Variants in CAMK2D observed in about 807,000 individuals in gnomAD.
CAMK2D encodes calcium/calmodulin-dependent protein kinase type II subunit delta.
CAMK2D carries 37 observed loss-of-function variants against 84.0 expected under a neutral mutation model. That is an observed-to-expected ratio of 0.44 (90% CI 0.34 to 0.58). The LOEUF is 0.58. CAMK2D is among the 20% of genes least tolerant of loss of function. CAMK2D has a pLI of 0.02. For synonymous variants in CAMK2D, 202 were observed against 212.5 expected, an observed-to-expected ratio of 0.95 and a Z score of 0.43; for missense variants, 448 against 652.5, an observed-to-expected ratio of 0.69 and a Z score of 3.41.
At chr4:113,735,510 C>T (rs192174547) in intron 2 of CAMK2D, among the ~76,000 whole-genome samples, 15 of 151,964 alleles carry the variant, frequency 9.9e-5, no homozygotes, top group African/African-American at 3.4e-4. Context: ...TTGTACAATA[C>T]ACAACTATGT....
intron 2 of CAMK2D, among the ~76,000 whole-genome samples, chr4:113,714,095 A>T (rs17046431): frequency 6.6e-6 from 1 of 151,810 alleles, no homozygotes; most frequent in African/African-American, 2.4e-5. Context: ...TTTTGGGGTA[A>T]AGTTTCAAAT....
At chr4:113,504,412 T>G (rs2098098723) in intron 14 of CAMK2D, among the ~76,000 whole-genome samples, 1 of 152,198 alleles carries the variant, frequency 6.6e-6, no homozygotes, top group Non-Finnish European at 1.5e-5. Flanking sequence ...CAGTGAAAAT[T>G]TAATTTAAAA....
intron 7 of CAMK2D, among the ~76,000 whole-genome samples, chr4:113,534,195 C>CA (rs1217586915): frequency 6.6e-6 from 1 of 151,978 alleles, no homozygotes. Context: ...GAATAAACAT[C>CA]AAAACAGGTC....
At chr4:113,689,364 A>T (rs2099375744) in intron 2 of CAMK2D, among the ~76,000 whole-genome samples, 1 of 152,238 alleles carries the variant, frequency 6.6e-6, no homozygotes, top group Non-Finnish European at 1.5e-5. Context: ...AAGCTGTTTG[A>T]TGCTGAGAAC....
chr4:113,648,002 G>A lies in CAMK2D; in HGVS notation c.220+13711C>T, dbSNP rs28682528. Among the ~76,000 whole-genome samples the A allele has an allele frequency of 7.9e-3, 1,206 of 152,312 alleles. 9 individuals carry two copies. Among genetic ancestry groups the A allele is most frequent in the African/African-American group, 0.028 (1,155 of 41,560 alleles). On this transcript the variant is annotated intron_variant, in intron 3 of 20. Coordinates refer to ENST00000511664, the MANE Select transcript of CAMK2D (RefSeq NM_001321571.2). The stretch of plus-strand genomic sequence containing the variant: ...TAAATGAGAAATTATTTGGGAGAAG[G>A]AGATTGGCAGAAGGAAATAATGACC...
At chr4:113,485,881 A>G (rs2097761378) in intron 16 of CAMK2D, among the ~76,000 whole-genome samples, 1 of 152,144 alleles carries the variant, frequency 6.6e-6, no homozygotes, top group African/African-American at 2.4e-5. Flanking sequence ...AATACCTCAG[A>G]CATACCATGC....
At chr4:113,557,838 A>G (rs574740070) in intron 4 of CAMK2D, among the ~76,000 whole-genome samples, 57 of 152,144 alleles carry the variant, frequency 3.7e-4, no homozygotes, top group Non-Finnish European at 7.1e-4. Context: ...AATGCACTCA[A>G]CTCTTTGGAA....
intron 12 of CAMK2D, 91 bp downstream of exon 12, chr4:113,513,237 T>G (rs1458818449): frequency 1.9e-6 from 3 of 1,576,710 alleles, no homozygotes; most frequent in Non-Finnish European, 2.6e-6. Context: ...TTTTTCTAAT[T>G]ATTAGATTTT....
At chr4:113,512,164 G>A (rs760560175) in intron 12 of CAMK2D, among the ~76,000 whole-genome samples, 2 of 152,178 alleles carry the variant, frequency 1.3e-5, no homozygotes, top group African/African-American at 2.4e-5. Flanking sequence ...TACCAAGTGC[G>A]GCTTAATTGC....
At chr4:113,466,259 AAAATAAATAAAT>A (rs3062115) in intron 16 of CAMK2D, among the ~76,000 whole-genome samples, 4 of 146,052 alleles carry the variant, frequency 2.7e-5, no homozygotes, top group African/African-American at 5.1e-5. Context: ...CTCCGTCTCA[AAAATAAATAAAT>A]AAATAAATAA....
At chr4:113,494,821 G>T (rs185017145) in intron 16 of CAMK2D, among the ~76,000 whole-genome samples, 11 of 152,296 alleles carry the variant, frequency 7.2e-5, no homozygotes, top group South Asian at 2.1e-4. Context: ...CTCCGAGCCA[G>T]GTGCGGGATA....
In CAMK2D at chr4:113,661,705, G is replaced by C; in HGVS notation, c.220+8C>G. 1 of 1,285,312 alleles carries C rather than the reference G, an allele frequency of 7.8e-7. No homozygotes were observed. Among genetic ancestry groups the C allele is most frequent in the Non-Finnish European group, 1.1e-6 (1 of 935,048 alleles). 79.6% of individuals were successfully genotyped at this position (1,285,312 alleles called of 1,614,324 possible). A position where few individuals can be genotyped will look rare whatever the true frequency, so the allele number is the denominator to read the frequency against. ...AACATTTAAAAAACATTAAAAATAC[G>C]TTCTCACCAATATTAGGGTGCTTCA... On this transcript the variant is annotated splice_region_variant and intron_variant, in intron 3 of 20. Coordinates refer to ENST00000511664, the MANE Select transcript of CAMK2D (RefSeq NM_001321571.2).
chr4:113,476,104 G>A (rs2097611150), intron 16 of CAMK2D, among the ~76,000 whole-genome samples: 1 of 152,152 alleles, frequency 6.6e-6, no homozygotes, highest in Non-Finnish European at 1.5e-5. Context: ...AGAACCTCTT[G>A]ATATGTCAGG....
chr4:113,605,864 T>C (rs1361635476), intron 4 of CAMK2D, among the ~76,000 whole-genome samples: 1 of 152,058 alleles, frequency 6.6e-6, no homozygotes, highest in Non-Finnish European at 1.5e-5. Context: ...AAAGAACAGT[T>C]AGTGAAATCC....
chr4:113,653,873 A>C (rs1228937735), intron 3 of CAMK2D, among the ~76,000 whole-genome samples: 1 of 152,004 alleles, frequency 6.6e-6, no homozygotes, highest in African/African-American at 2.4e-5. Flanking sequence ...CTGCATGCAG[A>C]GAAGGATAAA....
intron 3 of CAMK2D, among the ~76,000 whole-genome samples, chr4:113,630,190 G>A (rs909354107): frequency 1.3e-5 from 2 of 152,148 alleles, no homozygotes; most frequent in Admixed American, 6.5e-5. Flanking sequence ...TGGGCATGGA[G>A]GACAAAGCAT....
intron 4 of CAMK2D, among the ~76,000 whole-genome samples, chr4:113,582,429 G>A (rs572655477): frequency 6.6e-6 from 1 of 152,280 alleles, no homozygotes; most frequent in Admixed American, 6.5e-5. Flanking sequence ...GTATAGTTCT[G>A]AGTTTCGACA....
chr4:113,462,674 C>T (rs2097402557), intron 17 of CAMK2D, among the ~76,000 whole-genome samples: 1 of 152,058 alleles, frequency 6.6e-6, no homozygotes, highest in South Asian at 2.1e-4. Flanking sequence ...AGGAAACATA[C>T]ACTTTTGCCT....
At chr4:113,494,483 G>A (rs1473137671) in intron 16 of CAMK2D, among the ~76,000 whole-genome samples, 1 of 152,182 alleles carries the variant, frequency 6.6e-6, no homozygotes, top group Non-Finnish European at 1.5e-5. Flanking sequence ...CACTTGAGGA[G>A]GCAGTCTGCC....
Sources: allele counts gnomAD v4.1 joint callset (sites outside exome capture counted in the v4.1 genomes callset), GRCh38; gene constraint gnomAD v4.1.1; transcripts MANE v1.5; gene names NCBI Gene and HGNC (gene_info 2026-07-23, HGNC 2026-07-21).